Variants in TSPAN19 observed in about 807,000 individuals in gnomAD.
TSPAN19 encodes the protein tetraspanin-19.
Under a neutral mutation model 35.1 loss-of-function variants are expected in TSPAN19, and 44 were observed. That is an observed-to-expected ratio of 1.25 (90% CI 0.98 to 1.61). TSPAN19 has a LOEUF of 1.61. Ranked by LOEUF, TSPAN19 falls within the 40% of genes most tolerant of loss-of-function variation. TSPAN19 has a pLI of 0.00. For missense variants in TSPAN19, 290 were observed against 280.0 expected, an observed-to-expected ratio of 1.04 and a Z score of -0.26; for synonymous variants, 79 against 92.0, an observed-to-expected ratio of 0.86 and a Z score of 0.81.
At chr12:85,032,269 AAG>A (rs1315454579) in intron 1 of TSPAN19, among the ~76,000 whole-genome samples, 1 of 152,098 alleles carries the variant, frequency 6.6e-6, no homozygotes, top group Non-Finnish European at 1.5e-5. Flanking sequence ...GTGTGAATGA[AAG>A]AGAAGAGGGA....
At chr12:85,024,191 A>C (rs1877274866) in intron 4 of TSPAN19, among the ~76,000 whole-genome samples, 1 of 152,150 alleles carries the variant, frequency 6.6e-6, no homozygotes, top group Non-Finnish European at 1.5e-5. Flanking sequence ...AGTTGTTGCC[A>C]GTTCACTGGT....
intron 3 of TSPAN19, 126 bp from the exon 4 acceptor site, chr12:85,028,149 T>A: frequency 1.4e-6 from 1 of 693,698 alleles, no homozygotes; most frequent in Non-Finnish European, 2.2e-6. Context: ...GCCAAACCAC[T>A]AGGATTCTCT....
rs1287115313 is a variant in TSPAN19, at chr12:85,017,523, C to T, written c.527G>A (p.Cys176Tyr). ...TCTTAAAGTTGACTTTGTGCAAGAA[C>T]ATGGCACCTGTCCTGAATTTTCTTT... Reference protein sequence around the residue: ...KNKENSGQVPCSCTKSTLRKW... With the variant: ...KNKENSGQVPYSCTKSTLRKW... The change falls in exon 7 of 9, where the codon TGT becomes TAT. Residue 176 changes from cysteine to tyrosine, a missense_variant. Physicochemically the swap from Cys to Tyr is radical, Grantham distance 194. Transcript: ENST00000532498. 3.7e-6 allele frequency: 6 copies of T among 1,604,810 alleles called. No homozygotes were observed. Among genetic ancestry groups the T allele is most frequent in the Non-Finnish European group, 5.1e-6 (6 of 1,174,896 alleles).
intron 1 of TSPAN19, among the ~76,000 whole-genome samples, chr12:85,031,123 G>A (rs988454776): frequency 5.3e-5 from 8 of 151,974 alleles, no homozygotes; most frequent in Non-Finnish European, 1.2e-4. Context: ...CATCTTCCTC[G>A]TAAAATCTCC....
intron 6 of TSPAN19, 47 bp from the exon 7 acceptor site, chr12:85,017,646 A>C: frequency 7.1e-7 from 1 of 1,417,924 alleles, no homozygotes; most frequent in Non-Finnish European, 9.5e-7. Context: ...TTCAAAATGC[A>C]GTTAATTATA....
At chr12:85,027,419 T>C (rs1229564279) in intron 4 of TSPAN19, among the ~76,000 whole-genome samples, 1 of 152,158 alleles carries the variant, frequency 6.6e-6, no homozygotes, top group Non-Finnish European at 1.5e-5. Context: ...AACTTGCACA[T>C]GTACCCTGAA....
At chr12:85,018,414 ATAT>A (rs2135794788) in intron 6 of TSPAN19, among the ~76,000 whole-genome samples, 1 of 152,054 alleles carries the variant, frequency 6.6e-6, no homozygotes, top group Non-Finnish European at 1.5e-5. Context: ...AAACCTACAT[ATAT>A]TATCTCAGTT....
intron 1 of TSPAN19, chr12:85,035,062 T>C (rs1458641350): frequency 2.6e-5 from 4 of 152,182 alleles, no homozygotes; most frequent in East Asian, 3.8e-4. Context: ...AAGATTCTTA[T>C]GTGAACTTCA....
chr12:85,022,214 C>T (rs1478966986), intron 5 of TSPAN19, among the ~76,000 whole-genome samples: 1 of 151,964 alleles, frequency 6.6e-6, no homozygotes, highest in East Asian at 1.9e-4. Context: ...CTCACACACA[C>T]ACAAACACAC....
intron 7 of TSPAN19, chr12:85,017,197 A>T (rs1255289482): frequency 2.8e-6 from 1 of 351,514 alleles, no homozygotes; most frequent in East Asian, 6.7e-5. Flanking sequence ...GGCTGGGGAG[A>T]AAGACTGATG....
rs59822389 is a variant in TSPAN19, at chr12:85,029,771, CA to C, written c.86del (p.Met29ArgfsTer9). 4,369 of 1,544,976 alleles carry C rather than the reference CA, an allele frequency of 2.8e-3. 104 individuals carry two copies. The African/African-American group carries it at 0.055, about 19-fold the overall frequency. On this transcript the variant is annotated frameshift_variant, in exon 3 of 9. Coordinates refer to ENST00000532498, the MANE Select transcript of TSPAN19 (RefSeq NM_001100917.2). LOFTEE classifies it high-confidence loss of function. ...GAFLVLGLLF[M>X]GFGAWLLLDR... ...CTAATAAGAGCCATGCACCAAATCC[CA>C]TGAATAAAAGTCCAAGAACCTAAAA...
chr12:85,017,355 C>T, intron 7 of TSPAN19, 101 bp downstream of exon 7: 1 of 1,087,452 alleles, frequency 9.2e-7, no homozygotes, highest in Non-Finnish European at 1.3e-6. Flanking sequence ...CCGTCAACAA[C>T]ATTATTTTTA....
chr12:85,022,691 A>G (rs1303824541), intron 5 of TSPAN19, among the ~76,000 whole-genome samples: 2 of 152,158 alleles, frequency 1.3e-5, no homozygotes, highest in Non-Finnish European at 2.9e-5. Context: ...AGGACAATTA[A>G]TCTTCCGTGA....
chr12:85,029,559 C>G (rs1450946798), intron 3 of TSPAN19, among the ~76,000 whole-genome samples, 160 bp downstream of exon 3: 1 of 151,974 alleles, frequency 6.6e-6, no homozygotes, highest in Non-Finnish European at 1.5e-5. Context: ...AATTTTGTAT[C>G]CTTTAAAAAA....
intron 5 of TSPAN19, among the ~76,000 whole-genome samples, chr12:85,022,318 G>A (rs181757002): frequency 6.6e-6 from 1 of 152,186 alleles, no homozygotes; most frequent in Non-Finnish European, 1.5e-5. Flanking sequence ...ATGATGAGCT[G>A]TCCAGTAAAG....
intron 1 of TSPAN19, among the ~76,000 whole-genome samples, chr12:85,030,321 T>G (rs893320956): frequency 6.6e-6 from 1 of 152,152 alleles, no homozygotes; most frequent in Non-Finnish European, 1.5e-5. Flanking sequence ...TACTGTATTT[T>G]TAAATTTTTA....
At chr12:85,023,236 A>G (rs1877213750) in intron 5 of TSPAN19, 90 bp downstream of exon 5, 6 of 1,102,112 alleles carry the variant, frequency 5.4e-6, no homozygotes, top group Non-Finnish European at 7.8e-6. Context: ...GGCTTTTAAT[A>G]TAGGATCAAT....
At chr12:85,030,907 A>G (rs188251289) in intron 1 of TSPAN19, among the ~76,000 whole-genome samples, 1 of 152,150 alleles carries the variant, frequency 6.6e-6, no homozygotes, top group Non-Finnish European at 1.5e-5. Flanking sequence ...AATTTTAAAC[A>G]TACTGTAGTT....
chr12:85,024,746 C>T (rs1877307769), intron 4 of TSPAN19: 1 of 146,206 alleles, frequency 6.8e-6, no homozygotes, highest in South Asian at 2.2e-4. Context: ...CACTGCACTC[C>T]AGCCTAGTGA....
Sources: allele counts gnomAD v4.1 joint callset (sites outside exome capture counted in the v4.1 genomes callset), GRCh38; gene constraint gnomAD v4.1.1; transcripts MANE v1.5; gene names NCBI Gene and HGNC (gene_info 2026-07-23, HGNC 2026-07-21).